Variants in IGFL2 observed in about 807,000 individuals in gnomAD.
IGFL2 encodes insulin growth factor-like family member 2.
IGFL2 carries 7 observed loss-of-function variants against 13.9 expected under a neutral mutation model. The ratio of observed to expected loss-of-function variants is 0.51; its 90% confidence interval spans 0.29 to 0.95. The LOEUF (loss-of-function observed/expected upper bound fraction) is 0.95, where lower values mean the gene tolerates loss of function less well. Among genes scored for constraint, IGFL2 ranks in the 40% least tolerant of loss-of-function variants. The pLI, the probability that IGFL2 is intolerant of heterozygous loss-of-function variation, is 0.08. For synonymous variants in IGFL2, 55 were observed against 55.8 expected (o/e 0.99, Z 0.07); for missense variants, 138 against 147.8 (o/e 0.93, Z 0.34).
chr19:46,157,347 T>G (rs1484523075), intron 1 of IGFL2, among the ~76,000 whole-genome samples: 1 of 152,142 alleles, frequency 6.6e-6, no homozygotes, highest in East Asian at 1.9e-4. Flanking sequence ...AATGAAACTA[T>G]AGACCAATAT....
At chr19:46,127,282 C>T in the IGFL2 span, among the ~76,000 whole-genome samples, 7 of 152,148 alleles carry the variant, frequency 4.6e-5, no homozygotes, top group Admixed American at 1.3e-4. Flanking sequence ...CCCAGCTACT[C>T]GGAAGGCTGT....
At chr19:46,099,394 TG>T in the IGFL2 span, among the ~76,000 whole-genome samples, 1 of 152,228 alleles carries the variant, frequency 6.6e-6, no homozygotes, top group African/African-American at 2.4e-5. Context: ...GAAGTTCTTC[TG>T]GATGATAGCC....
the IGFL2 span, among the ~76,000 whole-genome samples, chr19:46,083,800 T>C: frequency 6.6e-6 from 1 of 152,134 alleles, no homozygotes; most frequent in Non-Finnish European, 1.5e-5. Context: ...ATTTTGCGCA[T>C]TGACAGTGGT....
chr19:46,209,884 A>G, the IGFL2 span: 2 of 152,292 alleles, frequency 1.3e-5, no homozygotes, highest in Admixed American at 6.5e-5. Flanking sequence ...TGCTCAAAAT[A>G]TCACAGATGA....
At chr19:46,125,484 A>G in the IGFL2 span, among the ~76,000 whole-genome samples, 2 of 152,234 alleles carry the variant, frequency 1.3e-5, no homozygotes, top group African/African-American at 4.8e-5. Flanking sequence ...GGGCTTGGAC[A>G]AATTCAAATA....
At chr19:46,124,984 C>T in the IGFL2 span, among the ~76,000 whole-genome samples, 1 of 141,364 alleles carries the variant, frequency 7.1e-6, no homozygotes, top group Non-Finnish European at 1.5e-5. Flanking sequence ...TAAGAGTTTT[C>T]AAGCTCCGAC....
chr19:46,209,306 A>T, the IGFL2 span: 1 of 152,218 alleles, frequency 6.6e-6, no homozygotes, highest in African/African-American at 2.4e-5. Context: ...AAGGTCTTTA[A>T]AGCTCTCTCC....
the IGFL2 span, among the ~76,000 whole-genome samples, chr19:46,122,964 C>G: frequency 6.6e-6 from 1 of 150,466 alleles, no homozygotes; most frequent in African/African-American, 2.5e-5. Flanking sequence ...TTACTTCTTT[C>G]CAGGGTAAAA....
the IGFL2 span, among the ~76,000 whole-genome samples, chr19:46,179,255 A>G: frequency 1.9e-4 from 27 of 141,832 alleles, no homozygotes; most frequent in Non-Finnish European, 1.1e-4. Flanking sequence ...GCAGGGGTGC[A>G]GGAGTCTGAG....
At chr19:46,115,498 G>C in the IGFL2 span, among the ~76,000 whole-genome samples, 1 of 152,172 alleles carries the variant, frequency 6.6e-6, no homozygotes, top group Non-Finnish European at 1.5e-5. Context: ...GGCAGAAACA[G>C]CTACAGCTTG....
At chr19:46,204,204 CAG>C in the IGFL2 span, 3 of 152,168 alleles carry the variant, frequency 2.0e-5, no homozygotes, top group Admixed American at 2.0e-4. Context: ...TGCCACGTTC[CAG>C]AAGCTCAGGT....
chr19:46,171,717 C>T, the IGFL2 span, among the ~76,000 whole-genome samples: 2 of 152,136 alleles, frequency 1.3e-5, no homozygotes, highest in Non-Finnish European at 2.9e-5. Context: ...AATGCGAGTA[C>T]ACTTACTTTA....
intron 1 of IGFL2, among the ~76,000 whole-genome samples, chr19:46,157,356 A>G (rs891369805): frequency 5.9e-5 from 9 of 152,148 alleles, no homozygotes; most frequent in African/African-American, 2.2e-4. Context: ...ATAGACCAAT[A>G]TCCTTCATGC....
the IGFL2 span, among the ~76,000 whole-genome samples, chr19:46,108,461 C>G: frequency 1.3e-5 from 2 of 152,022 alleles, no homozygotes; most frequent in Non-Finnish European, 2.9e-5. Context: ...AAATAAAATG[C>G]TTAGGTTTTA....
At chr19:46,089,875 T>C in the IGFL2 span, among the ~76,000 whole-genome samples, 1 of 152,144 alleles carries the variant, frequency 6.6e-6, no homozygotes. Context: ...GACCTTCTTG[T>C]ACCTGGATAT....
At chr19:46,185,213 G>A in the IGFL2 span, among the ~76,000 whole-genome samples, 1 of 152,124 alleles carries the variant, frequency 6.6e-6, no homozygotes, top group Non-Finnish European at 1.5e-5. Flanking sequence ...TGTTCACTCT[G>A]CTGATAGTTT....
chr19:46,134,690 T>C, the IGFL2 span, among the ~76,000 whole-genome samples: 6 of 152,190 alleles, frequency 3.9e-5, no homozygotes, highest in Non-Finnish European at 8.8e-5. Flanking sequence ...CTAATGCTCC[T>C]ACTGATCTGA....
At chr19:46,158,052 AAAAGTT>A (rs1973919272) in intron 1 of IGFL2, among the ~76,000 whole-genome samples, 1 of 152,202 alleles carries the variant, frequency 6.6e-6, no homozygotes, top group Admixed American at 6.5e-5. Context: ...TCAAAAATGA[AAAAGTT>A]AGGTGTAAAT....
the IGFL2 span, chr19:46,137,563 C>A: frequency 9.8e-7 from 1 of 1,019,966 alleles, no homozygotes; most frequent in South Asian, 1.3e-5. Context: ...CGTCATCCTC[C>A]GTCTCACTGC....
Sources: allele counts gnomAD v4.1 joint callset (sites outside exome capture counted in the v4.1 genomes callset), GRCh38; gene constraint gnomAD v4.1.1; transcripts MANE v1.5; gene names NCBI Gene and HGNC (gene_info 2026-07-23, HGNC 2026-07-21).